The following MAD1L1 variants were observed in gnomAD, a reference collection of about 807,000 sequenced individuals.
MAD1L1 encodes the protein mitotic spindle assembly checkpoint protein MAD1.
In MAD1L1, 95 loss-of-function variants were observed where a neutral mutation model predicts 96.9. The observed-to-expected ratio is 0.98, with a 90% CI of 0.83 to 1.16. The LOEUF (loss-of-function observed/expected upper bound fraction) is 1.16, where lower values mean the gene tolerates loss of function less well. Among genes scored for constraint, MAD1L1 ranks in the 50% most tolerant of loss-of-function variants. MAD1L1 has a pLI of 0.00. For missense variants in MAD1L1, 1,007 were observed against 954.4 expected (o/e 1.06, Z -0.73); for synonymous variants, 473 against 396.6 (o/e 1.19, Z -2.29).
At chr7:1,975,831 C>T (rs1780610878) in intron 15 of MAD1L1, among the ~76,000 whole-genome samples, 1 of 152,166 alleles carries the variant, frequency 6.6e-6, no homozygotes, top group African/African-American at 2.4e-5. Context: ...ACCCAGAAGA[C>T]ATCACACGGC....
chr7:1,853,444 C>T (rs549352699), intron 18 of MAD1L1, among the ~76,000 whole-genome samples: 3 of 152,174 alleles, frequency 2.0e-5, no homozygotes, highest in Non-Finnish European at 2.9e-5. Flanking sequence ...ACGCTCAGCC[C>T]GGTCAGGCAT....
intron 18 of MAD1L1, among the ~76,000 whole-genome samples, chr7:1,857,418 G>C (rs1437733017): frequency 1.3e-5 from 2 of 152,160 alleles, no homozygotes; most frequent in African/African-American, 4.8e-5. Context: ...GTCCCTTGCT[G>C]GCCCCATGAC....
intron 11 of MAD1L1, among the ~76,000 whole-genome samples, chr7:2,134,649 C>T (rs568065983): frequency 6.6e-6 from 1 of 152,340 alleles, no homozygotes; most frequent in Non-Finnish European, 1.5e-5. Context: ...AAAGAAAAAT[C>T]TGCCCATTTA....
At chr7:1,918,860 G>T (rs1788588090) in intron 17 of MAD1L1, among the ~76,000 whole-genome samples, 1 of 151,950 alleles carries the variant, frequency 6.6e-6, no homozygotes, top group African/African-American at 2.4e-5. Flanking sequence ...GCTACTCCTG[G>T]CCCCAGCCCC....
At chr7:2,063,028 A>C (rs928316129) in intron 12 of MAD1L1, among the ~76,000 whole-genome samples, 1 of 152,248 alleles carries the variant, frequency 6.6e-6, no homozygotes, top group Non-Finnish European at 1.5e-5. Flanking sequence ...ACACACAATT[A>C]AACTAGAAAG....
chr7:2,041,698 T>A lies in MAD1L1; in HGVS notation c.1219-27056A>T, dbSNP rs78267225. 5.3e-3 allele frequency among the ~76,000 whole-genome samples: 811 copies of A among 152,328 alleles called. 25 individuals carry two copies. The highest frequency in any genetic ancestry group is 0.045 in the Admixed American group (692 of 15,298). ...TTGACATGAGTTGAATGAAACCAGA[T>A]GAGGAAGAGCTTTGAAGGCATACCA... On this transcript the variant is annotated intron_variant, in intron 12 of 18. Coordinates refer to ENST00000265854, the MANE Select transcript of MAD1L1 (RefSeq NM_001013836.2).
chr7:2,087,281 T>G (rs1418455073), intron 11 of MAD1L1, among the ~76,000 whole-genome samples: 15 of 152,192 alleles, frequency 9.9e-5, no homozygotes, highest in Admixed American at 9.8e-4. Context: ...GGTTCATGCC[T>G]GTAACTCCAG....
intron 10 of MAD1L1, among the ~76,000 whole-genome samples, chr7:2,165,010 C>G (rs1292370942): frequency 6.6e-6 from 1 of 152,100 alleles, no homozygotes; most frequent in Non-Finnish European, 1.5e-5. Context: ...GGAAAGGTGA[C>G]ACCTGAGCAC....
intron 15 of MAD1L1, among the ~76,000 whole-genome samples, chr7:1,967,902 C>T (rs1197044334): frequency 1.3e-5 from 2 of 148,412 alleles, no homozygotes; most frequent in Non-Finnish European, 2.9e-5. Flanking sequence ...ACACAGAGCA[C>T]GCGGGAAACT....
At chr7:2,019,393 G>A (rs1003837941) in intron 12 of MAD1L1, among the ~76,000 whole-genome samples, 6 of 152,190 alleles carry the variant, frequency 3.9e-5, no homozygotes, top group East Asian at 1.9e-4. Context: ...AGTAATAAGC[G>A]CCTCGGAGGA....
At chr7:2,169,991 G>A (rs1180838066) in intron 10 of MAD1L1, among the ~76,000 whole-genome samples, 1 of 152,218 alleles carries the variant, frequency 6.6e-6, no homozygotes, top group African/African-American at 2.4e-5. Context: ...AGACGAGACA[G>A]GATGCAGATA....
rs201218907 is a variant in MAD1L1, at chr7:2,014,598, C to T, written c.1263G>A (p.Glu421=). The T allele has an allele frequency of 5.8e-4, 932 of 1,612,394 alleles. 5 individuals carry two copies. Among genetic ancestry groups the T allele is most frequent in the Middle Eastern group, 6.6e-4 (4 of 6,058 alleles). ...MRAILGSYDS[E]LTPAEYSPQL... The stretch of plus-strand genomic sequence containing the variant: ...GGGGTGAGTACTCGGCCGGGGTCAG[C>T]TCGCTGTCGTAGGACCCCAGGATGG... Residue 421 remains glutamate (E), a synonymous_variant, in exon 13 of 19, where the codon GAG becomes GAA. Coordinates refer to ENST00000265854, the MANE Select transcript of MAD1L1 (RefSeq NM_001013836.2).
intron 18 of MAD1L1, among the ~76,000 whole-genome samples, chr7:1,852,413 G>A (rs1328144470): frequency 6.6e-6 from 1 of 152,112 alleles, no homozygotes; most frequent in Non-Finnish European, 1.5e-5. Context: ...CCCTCCAAGG[G>A]TCCCCCTCAA....
chr7:2,143,554 T>G (rs1337813001), intron 11 of MAD1L1, among the ~76,000 whole-genome samples: 1 of 151,256 alleles, frequency 6.6e-6, no homozygotes, highest in Non-Finnish European at 1.5e-5. Flanking sequence ...CATGGTGATA[T>G]CCACTCATCA....
intron 17 of MAD1L1, among the ~76,000 whole-genome samples, chr7:1,933,471 C>G (rs1789598955): frequency 6.6e-6 from 1 of 152,206 alleles, no homozygotes; most frequent in Admixed American, 6.5e-5. Flanking sequence ...CAGTTCAAGC[C>G]TGTTGTCCTG....
intron 15 of MAD1L1, among the ~76,000 whole-genome samples, chr7:1,964,193 G>A (rs59183227): frequency 2.0e-5 from 3 of 152,330 alleles, no homozygotes; most frequent in African/African-American, 7.2e-5. Flanking sequence ...TGACGACATG[G>A]TGGGGGCCTC....
At chr7:1,851,372 G>A (rs1024099568) in intron 18 of MAD1L1, among the ~76,000 whole-genome samples, 4 of 152,202 alleles carry the variant, frequency 2.6e-5, no homozygotes, top group African/African-American at 4.8e-5. Context: ...GATGGGACTC[G>A]AGGTCACGGG....
chr7:1,930,781 G>A (rs995567338), intron 17 of MAD1L1, among the ~76,000 whole-genome samples: 2 of 151,736 alleles, frequency 1.3e-5, no homozygotes, highest in Non-Finnish European at 2.9e-5. Flanking sequence ...CTCAGGCCAC[G>A]CGGCTCCCCC....
At chr7:1,827,494 CCCGT>C (rs1782466768) in intron 18 of MAD1L1, among the ~76,000 whole-genome samples, 9 of 144,376 alleles carry the variant, frequency 6.2e-5, no homozygotes, top group Non-Finnish European at 9.2e-5. Context: ...CCCTCCTGAG[CCCGT>C]CCCGGGTGTG....
Sources: allele counts gnomAD v4.1 joint callset (sites outside exome capture counted in the v4.1 genomes callset), GRCh38; gene constraint gnomAD v4.1.1; transcripts MANE v1.5; gene names NCBI Gene and HGNC (gene_info 2026-07-23, HGNC 2026-07-21).